The following AGO2 variants were observed in gnomAD, a reference collection of about 807,000 sequenced individuals.
AGO2 encodes the protein protein argonaute-2.
A neutral mutation model predicts 102.3 loss-of-function variants in AGO2; 5 were observed. The observed-to-expected ratio is 0.05, with a 90% CI of 0.03 to 0.10. The LOEUF (loss-of-function observed/expected upper bound fraction) is 0.10, where lower values mean the gene tolerates loss of function less well. Ranked by LOEUF, AGO2 falls within the 10% of genes least tolerant of loss-of-function variation. The probability of loss-of-function intolerance (pLI) is 1.00; values close to 1 mark genes in which losing one functional copy is unlikely to be tolerated. For missense variants in AGO2, 541 were observed against 1,183.7 expected, an observed-to-expected ratio of 0.46 and a Z score of 7.97; for synonymous variants, 449 against 473.1, an observed-to-expected ratio of 0.95 and a Z score of 0.66.
intron 1 of AGO2, among the ~76,000 whole-genome samples, chr8:140,631,080 C>T (rs922094935): frequency 1.4e-4 from 22 of 152,138 alleles, no homozygotes; most frequent in African/African-American, 5.3e-4. Flanking sequence ...CAAAACACCA[C>T]TTAAATGTGT....
chr8:140,599,247 A>G (rs1450355527), intron 1 of AGO2, among the ~76,000 whole-genome samples: 1 of 152,178 alleles, frequency 6.6e-6, no homozygotes, highest in Non-Finnish European at 1.5e-5. Flanking sequence ...AGCGTCCGTT[A>G]TGTGGTGGCG....
In AGO2 at chr8:140,547,752, G is replaced by T. The variant is rs557452619; in HGVS notation, c.1589-125C>A. Reference sequence around the variant, plus strand: ...AGTGCAGCCATGGCAGCTGTGCTGAGCTTTGCGTGTCCCCCTCTGTCCGAG... The same window carrying T: ...AGTGCAGCCATGGCAGCTGTGCTGATCTTTGCGTGTCCCCCTCTGTCCGAG... On this transcript the variant is annotated intron_variant, in intron 12 of 18. Transcript: ENST00000220592. 5 of 1,322,796 alleles carry T rather than the reference G, an allele frequency of 3.8e-6. No homozygotes were observed. The African/African-American group carries it at 5.9e-5, about 16-fold the overall frequency. 81.9% of individuals were successfully genotyped at this position (1,322,796 alleles called of 1,614,324 possible).
rs912854514 is a variant in AGO2, at chr8:140,540,292, C to T, written c.2035-838G>A. On this transcript the variant is annotated intron_variant, in intron 15 of 18. Transcript: ENST00000220592. This position sits in a 1 kb window ranked among gnomAD's most constrained non-coding sequence, Gnocchi z 5.0. ...GCTGCGTGCCATCCCGCCTCCTGAT[C>T]AAGGCCGGGGAGTTCCTAAGCTCCT... is the stretch of plus-strand genomic sequence containing the variant. 1.3e-5 allele frequency among the ~76,000 whole-genome samples: 2 copies of T among 152,146 alleles called. No homozygotes were observed. Among genetic ancestry groups the T allele is most frequent in the African/African-American group, 4.8e-5 (2 of 41,448 alleles).
intron 3 of AGO2, chr8:140,572,447 T>C: frequency 6.0e-6 from 1 of 166,076 alleles, no homozygotes. Context: ...ACTCCTCAGC[T>C]CAAGCCATCT....
At chr8:140,625,827 C>A (rs1472492118) in intron 1 of AGO2, among the ~76,000 whole-genome samples, 1 of 152,188 alleles carries the variant, frequency 6.6e-6, no homozygotes, top group Non-Finnish European at 1.5e-5. Context: ...AGAACAGGGA[C>A]CACCCCCCAA....
chr8:140,553,930 G>A (rs1168001788), intron 10 of AGO2, among the ~76,000 whole-genome samples: 2 of 152,170 alleles, frequency 1.3e-5, no homozygotes, highest in African/African-American at 2.4e-5. Flanking sequence ...TCGAACTCCT[G>A]ACCTCAGGTG....
chr8:140,555,806 T>TAC, intron 10 of AGO2, 90 bp downstream of exon 10: 1 of 1,495,542 alleles, frequency 6.7e-7, no homozygotes, highest in Non-Finnish European at 8.9e-7. Flanking sequence ...GAACACAGTC[T>TAC]ACACCGCGGG....
intron 1 of AGO2, among the ~76,000 whole-genome samples, chr8:140,616,002 CCT>C (rs1296300203): frequency 6.6e-6 from 1 of 152,166 alleles, no homozygotes; most frequent in Non-Finnish European, 1.5e-5. Flanking sequence ...CAATGCGTAC[CCT>C]GTCATCAGCG....
At chr8:140,634,969 C>T (rs1040011859) in intron 1 of AGO2, among the ~76,000 whole-genome samples, 1 of 151,922 alleles carries the variant, frequency 6.6e-6, no homozygotes, top group African/African-American at 2.4e-5. Context: ...GCAGCCCCCT[C>T]CCCTCCCGCC....
intron 14 of AGO2, among the ~76,000 whole-genome samples, chr8:140,543,718 C>T (rs995041407): frequency 3.3e-5 from 5 of 152,194 alleles, no homozygotes; most frequent in Admixed American, 1.3e-4. Context: ...AGGGGCTTAA[C>T]GACATCATTT....
intron 3 of AGO2, among the ~76,000 whole-genome samples, chr8:140,565,216 G>C (rs1372406205): frequency 6.6e-6 from 1 of 152,064 alleles, no homozygotes; most frequent in African/African-American, 2.4e-5. Flanking sequence ...GAGGTGGGGG[G>C]ATCACGAGAT....
chr8:140,523,058 CATACAGAGAGGCCAATGT>C lies in AGO2; in HGVS notation c.*8968_*8985del, dbSNP rs1451714670. 6.6e-6 allele frequency: 1 copy of C among 152,120 alleles called. No individual in the cohort carries two copies. Among genetic ancestry groups the C allele is most frequent in the Non-Finnish European group, 1.5e-5 (1 of 68,028 alleles). 9.4% of individuals were successfully genotyped at this position (152,120 alleles called of 1,614,324 possible). On this transcript the variant is annotated 3_prime_UTR_variant, in exon 19 of 19. Transcript: ENST00000220592. ...ACAATTCATGTAGCAAATGGAAAAT[CATACAGAGAGGCCAATGT>C]ATATAAATAAGAGTTTATACAGAAA...
intron 1 of AGO2, among the ~76,000 whole-genome samples, chr8:140,610,880 T>C (rs1199239609): frequency 6.6e-6 from 1 of 152,252 alleles, no homozygotes; most frequent in Non-Finnish European, 1.5e-5. Flanking sequence ...GATGAGATTT[T>C]AGATTCCAAA....
At position 140,589,258 on chromosome 8, in the gene AGO2, G is replaced by C. The variant is rs756726275; in HGVS notation, c.23-3947C>G. 6.6e-6 allele frequency among the ~76,000 whole-genome samples: 1 copy of C among 152,194 alleles called. No individual in the cohort carries two copies. The highest frequency in any genetic ancestry group is 1.5e-5 in the Non-Finnish European group (1 of 68,030). On this transcript the variant is annotated intron_variant, in intron 1 of 18. Transcript: ENST00000220592. The surrounding 1 kb of genome is among the most constrained non-coding windows in gnomAD (Gnocchi z 4.2). ...AGGCCTGCCAGGATTCCCCGCAGAC[G>C]TGTACCCTGAGGCGGGGAGAGCAGC...
upstream of AGO2, chr8:140,637,900 G>A (rs1421688245): frequency 6.6e-6 from 1 of 152,354 alleles, no homozygotes; most frequent in Non-Finnish European, 1.5e-5. Context: ...GGTGCTTGCT[G>A]TGACATGTCT....
chr8:140,579,668 T>C (rs1168717552), intron 2 of AGO2, among the ~76,000 whole-genome samples: 1 of 139,244 alleles, frequency 7.2e-6, no homozygotes, highest in Non-Finnish European at 1.5e-5. Context: ...TTTGTTGTTC[T>C]TTTTTTTTTT....
chr8:140,542,085 G>A (rs769244730), intron 14 of AGO2, among the ~76,000 whole-genome samples: 5 of 152,122 alleles, frequency 3.3e-5, no homozygotes, highest in Non-Finnish European at 4.4e-5. Context: ...AGCAGCCACC[G>A]GAAGGTGCCA....
intron 1 of AGO2, among the ~76,000 whole-genome samples, chr8:140,596,837 C>T (rs1413923074): frequency 2.0e-5 from 3 of 152,146 alleles, no homozygotes; most frequent in Admixed American, 6.5e-5. Flanking sequence ...GACGGGCCCA[C>T]GTCATCGCAT....
At chr8:140,550,701 C>T (rs2072980094) in intron 11 of AGO2, among the ~76,000 whole-genome samples, 1 of 152,186 alleles carries the variant, frequency 6.6e-6, no homozygotes, top group Non-Finnish European at 1.5e-5. Context: ...ACTGCAACCT[C>T]CACCTCCCGG....
Sources: allele counts gnomAD v4.1 joint callset (sites outside exome capture counted in the v4.1 genomes callset), GRCh38; gene constraint gnomAD v4.1.1; non-coding constraint Gnocchi (gnomAD v3.1); transcripts MANE v1.5; gene names NCBI Gene and HGNC (gene_info 2026-07-23, HGNC 2026-07-21).